GAREM1: variants seen among roughly 807,000 people sequenced by gnomAD.
The protein encoded by GAREM1 is GRB2-associated and regulator of MAPK protein 1.
In GAREM1, 26 loss-of-function variants were observed where a neutral mutation model predicts 71.3. The ratio of observed to expected loss-of-function variants is 0.36; its 90% CI spans 0.27 to 0.51. The LOEUF (loss-of-function observed/expected upper bound fraction) is 0.51. Ranked by LOEUF, GAREM1 falls within the 20% of genes least tolerant of loss-of-function variation. GAREM1 has a pLI of 0.95. For missense variants in GAREM1, 1,026 were observed against 1,103.1 expected (o/e 0.93, Z 0.99); for synonymous variants, 440 against 433.2 (o/e 1.02, Z -0.20).
chr18:32,273,269 G>A (rs1249127660), intron 4 of GAREM1, among the ~76,000 whole-genome samples: 7 of 152,126 alleles, frequency 4.6e-5, no homozygotes, highest in African/African-American at 1.7e-4. Context: ...TAAATATGAC[G>A]TTTCATTAGG....
intron 1 of GAREM1, among the ~76,000 whole-genome samples, chr18:32,419,586 T>G (rs1477691601): frequency 6.6e-6 from 1 of 152,144 alleles, no homozygotes; most frequent in African/African-American, 2.4e-5. Flanking sequence ...AGAAATAAAT[T>G]TCTGTTGTTT....
At chr18:32,455,544 TATC>T (rs1317555762) in intron 1 of GAREM1, among the ~76,000 whole-genome samples, 1 of 152,114 alleles carries the variant, frequency 6.6e-6, no homozygotes, top group African/African-American at 2.4e-5. Context: ...CTTTGTAAAG[TATC>T]ATTTTAAAAG....
At chr18:32,295,387 C>T (rs974863244) in intron 3 of GAREM1, among the ~76,000 whole-genome samples, 2 of 152,098 alleles carry the variant, frequency 1.3e-5, no homozygotes, top group Admixed American at 6.6e-5. Context: ...CCTATGATGT[C>T]GGCATCTTTG....
At chr18:32,309,643 A>AAAAAAAAAT (rs2047294008) in intron 3 of GAREM1, among the ~76,000 whole-genome samples, 1 of 149,076 alleles carries the variant, frequency 6.7e-6, no homozygotes, top group African/African-American at 2.5e-5. Flanking sequence ...AAAAAAAAAA[A>AAAAAAAAAT]GAATGCAGAA....
intron 1 of GAREM1, among the ~76,000 whole-genome samples, chr18:32,407,514 C>T (rs2048376230): frequency 6.6e-6 from 1 of 152,192 alleles, no homozygotes; most frequent in Non-Finnish European, 1.5e-5. Flanking sequence ...TCTGAAAAGA[C>T]ATAGTCTTAC....
At chr18:32,364,338 G>A (rs996796349) in intron 2 of GAREM1, among the ~76,000 whole-genome samples, 3 of 151,522 alleles carry the variant, frequency 2.0e-5, no homozygotes, top group Admixed American at 2.0e-4. Flanking sequence ...CCCGGCCAAG[G>A]TTATAATTTT....
At chr18:32,311,196 A>G (rs1470245854) in intron 2 of GAREM1, among the ~76,000 whole-genome samples, 1 of 152,210 alleles carries the variant, frequency 6.6e-6, no homozygotes, top group African/African-American at 2.4e-5. Context: ...GGAATAAAAG[A>G]CCATATGCAA....
At chr18:32,378,244 A>C (rs2048057439) in intron 2 of GAREM1, among the ~76,000 whole-genome samples, 1 of 152,132 alleles carries the variant, frequency 6.6e-6, no homozygotes, top group Non-Finnish European at 1.5e-5. Context: ...TCACGCCTAT[A>C]ATCTTAGCAC....
rs146797657 is a variant in GAREM1, at chr18:32,358,104, T to C, written c.262+34791A>G. ...CGTCTATCCCCTCCCTCTCTCTATG[T>C]GACTTACTCAGCTGAGCCCACCCCC... On this transcript the variant is annotated intron_variant, in intron 2 of 5. Transcript: ENST00000269209. Among the ~76,000 whole-genome samples the C allele has an allele frequency of 3.9e-3, 586 of 151,568 alleles. 13 individuals are homozygous for C. Among genetic ancestry groups the C allele is most frequent in the Admixed American group, 0.033 (493 of 15,126 alleles).
intron 1 of GAREM1, among the ~76,000 whole-genome samples, chr18:32,443,066 C>T (rs1021232694): frequency 1.1e-4 from 17 of 152,038 alleles, no homozygotes; most frequent in Non-Finnish European, 2.2e-4. Flanking sequence ...GATTCAAACA[C>T]TAGAAACACA....
chr18:32,347,532 T>A (rs2047708342), intron 2 of GAREM1, among the ~76,000 whole-genome samples: 1 of 151,848 alleles, frequency 6.6e-6, no homozygotes, highest in Non-Finnish European at 1.5e-5. Context: ...AGAAAAGAAA[T>A]CTTAAATAGC....
intron 5 of GAREM1, 28 bp from the exon 6 acceptor site, chr18:32,268,796 C>A: frequency 1.3e-6 from 2 of 1,585,664 alleles, no homozygotes; most frequent in African/African-American, 1.4e-5. Context: ...AAGGAGAAAT[C>A]AGTTAAAAGA....
At chr18:32,465,408 G>T (rs921665931) in intron 1 of GAREM1, among the ~76,000 whole-genome samples, 1 of 152,088 alleles carries the variant, frequency 6.6e-6, no homozygotes, top group African/African-American at 2.4e-5. Context: ...GCTCCTAGAG[G>T]CCAGTAAATG....
At chr18:32,331,711 C>T (rs1430374657) in intron 2 of GAREM1, 2 of 152,126 alleles carry the variant, frequency 1.3e-5, no homozygotes, top group African/African-American at 4.8e-5. Flanking sequence ...TTTGAGAACT[C>T]CTGGCCTAAA....
At position 32,268,638 on chromosome 18, in the gene GAREM1, A is replaced by G; in HGVS notation, c.1864T>C (p.Ser622Pro). Residue 622 changes from serine to proline, a missense_variant, in exon 6 of 6, where the codon TCT (serine) becomes CCT (proline). Ser to Pro is a moderately conservative substitution (Grantham distance 74, BLOSUM62 -1). This residue lies in a region of GAREM1 where 636 missense variants were observed against 631.2 expected (regional missense o/e 1.01). Coordinates refer to ENST00000269209, the MANE Select transcript of GAREM1 (RefSeq NM_001242409.2). ...TAATGGTTAGGCCATGAGAGCCGAG[A>G]GGACACAGCTTCAGCAGAAGGACTT... Reference protein sequence around the residue: ...FGSPSAEAVSSRLSWPNHYSG... With the variant: ...FGSPSAEAVSPRLSWPNHYSG... The G allele has an allele frequency of 6.2e-7, 1 of 1,614,206 alleles. No individual in the cohort carries two copies.
In GAREM1 at chr18:32,310,241, T is replaced by C; in HGVS notation, c.345A>G (p.Ala115=). The C allele has an allele frequency of 4.3e-6, 7 of 1,614,158 alleles. No individual in the cohort carries two copies. The highest frequency in any genetic ancestry group is 5.9e-6 in the Non-Finnish European group (7 of 1,180,006). ...CCATGACGTACACGCGTTCAGGAAA[T>C]GCCTTAGCCACCTCCTCCACACTGT... ...YFNSVEEVAK[A]FPERVYVMED... is the part of the protein sequence containing the mutation. Residue 115 remains alanine (A), a synonymous_variant, in exon 3 of 6, where the codon GCA becomes GCG. Transcript: ENST00000269209.
At chr18:32,416,268 C>T (rs1489905187) in intron 1 of GAREM1, among the ~76,000 whole-genome samples, 2 of 152,078 alleles carry the variant, frequency 1.3e-5, no homozygotes, top group African/African-American at 4.8e-5. Flanking sequence ...TTGAAAGAAT[C>T]AATGTTGTTA....
chr18:32,264,329 T>C lies in GAREM1; in HGVS notation c.*3542A>G, dbSNP rs2041344436. The C allele has an allele frequency of 6.6e-6, 1 of 152,190 alleles. No homozygotes were observed. The highest frequency in any genetic ancestry group is 1.9e-4 in the East Asian group (1 of 5,190). The allele number at this position is 152,190 out of a possible 1,614,324, so 9.4% of individuals were successfully genotyped here. A position where few individuals can be genotyped will look rare whatever the true frequency, so the allele number is the denominator to read the frequency against. On this transcript the variant is annotated 3_prime_UTR_variant, in exon 6 of 6. Coordinates refer to ENST00000269209, the MANE Select transcript of GAREM1 (RefSeq NM_001242409.2). ...ACAGTTCGCTAGGTTCTTTGAAGGA[T>C]TATTTGTTTTCCAGTTTGTTATTCA...
chr18:32,470,525 G>A lies in GAREM1; in HGVS notation c.-97C>T. The A allele has an allele frequency of 1.1e-6, 1 of 896,224 alleles. No homozygotes were observed. The highest frequency in any genetic ancestry group is 1.3e-6 in the Non-Finnish European group (1 of 744,572). The allele number at this position is 896,224 out of a possible 1,614,324, so 55.5% of individuals were successfully genotyped here. A position where few individuals can be genotyped will look rare whatever the true frequency, so the allele number is the denominator to read the frequency against. On this transcript the variant is annotated 5_prime_UTR_variant, in exon 1 of 6. Transcript: ENST00000269209. The surrounding 1 kb of genome is among the most constrained non-coding windows in gnomAD (Gnocchi z 4.4). ...GCTGCTCGCGCTCGCGGTCTGGGGC[G>A]CGCGGGAGGCGCCGGGCAGCTCCGG...
Sources: allele counts gnomAD v4.1 joint callset (sites outside exome capture counted in the v4.1 genomes callset), GRCh38; gene constraint gnomAD v4.1.1; regional missense constraint gnomAD v4.1.1; non-coding constraint Gnocchi (gnomAD v3.1); transcripts MANE v1.5; gene names NCBI Gene and HGNC (gene_info 2026-07-23, HGNC 2026-07-21).